CHRM3: variants seen among roughly 807,000 people sequenced by gnomAD.
CHRM3 encodes the protein muscarinic acetylcholine receptor M3.
Under a neutral mutation model 41.8 loss-of-function variants are expected in CHRM3, and 11 were observed. That is an observed-to-expected ratio of 0.26 (90% CI 0.17 to 0.44). CHRM3 has a LOEUF of 0.44. CHRM3 is among the 20% of genes least tolerant of loss of function. The pLI is 1.00. For missense variants in CHRM3, 571 were observed against 745.4 expected, an observed-to-expected ratio of 0.77 and a Z score of 2.72; for synonymous variants, 297 against 301.4, an observed-to-expected ratio of 0.99 and a Z score of 0.15.
At chr1:239,845,294 T>G (rs78189231) in intron 6 of CHRM3, among the ~76,000 whole-genome samples, 6,175 of 152,314 alleles carry the variant, frequency 0.041, 162 homozygotes, top group East Asian at 0.06. Context: ...CTCAACTCAC[T>G]GACATTGTTT....
At chr1:239,716,441 TG>T (rs901233280) in intron 5 of CHRM3, among the ~76,000 whole-genome samples, 5 of 152,002 alleles carry the variant, frequency 3.3e-5, no homozygotes, top group African/African-American at 1.2e-4. Context: ...AAGCAGGTGC[TG>T]GTTGATAATC....
In CHRM3 at chr1:239,908,097, G is replaced by A; in HGVS notation, c.646G>A (p.Val216Met). Residue 216 changes from valine to methionine, a missense_variant, in exon 7 of 7, where the codon GTG becomes ATG. Val to Met is a conservative substitution (Grantham distance 21, BLOSUM62 1). Around this residue, in one of 5 missense-constraint regions of CHRM3, gnomAD observed 153 missense variants for 296.3 expected, o/e 0.52. Transcript: ENST00000676153. This position sits in a 1 kb window ranked among gnomAD's most constrained non-coding sequence, Gnocchi z 7.2. Reference protein sequence around the residue: ...FWQYFVGKRTVPPGECFIQFL... With the variant: ...FWQYFVGKRTMPPGECFIQFL... ...GCAATACTTTGTTGGAAAGAGAACT[G>A]TGCCTCCGGGAGAGTGCTTCATTCA... 1.2e-6 allele frequency: 2 copies of A among 1,614,178 alleles called. No individual in the cohort carries two copies. Among genetic ancestry groups the A allele is most frequent in the Non-Finnish European group, 1.7e-6 (2 of 1,180,044 alleles).
Position 239,914,647 on chromosome 1 carries a change from T to C in CHRM3, c.*5423T>C, listed in dbSNP as rs1258258022. 2 of 167,066 alleles carry C rather than the reference T, an allele frequency of 1.2e-5. No individual in the cohort carries two copies. Among genetic ancestry groups the C allele is most frequent in the African/African-American group, 4.8e-5 (2 of 41,462 alleles). The allele number at this position is 167,066 out of a possible 1,614,324, so 10.3% of individuals were successfully genotyped here. A position where few individuals can be genotyped will look rare whatever the true frequency, so the allele number is the denominator to read the frequency against. ...TTATTGTATAAAACAGTAGAATTCATGGAAGGGATAATTCTTTTGGAACAG... is the reference window on the plus strand; with the variant it reads ...TTATTGTATAAAACAGTAGAATTCACGGAAGGGATAATTCTTTTGGAACAG... On this transcript the variant is annotated 3_prime_UTR_variant, in exon 7 of 7. Transcript: ENST00000676153.
At chr1:239,819,870 G>A (rs924136782) in intron 5 of CHRM3, among the ~76,000 whole-genome samples, 1 of 152,120 alleles carries the variant, frequency 6.6e-6, no homozygotes, top group African/African-American at 2.4e-5. Flanking sequence ...GATTGCCATG[G>A]AATTCCGTAC....
chr1:239,495,311 G>A (rs946355), intron 2 of CHRM3, among the ~76,000 whole-genome samples: 23,923 of 152,122 alleles, frequency 0.16, 2,385 homozygotes, highest in Non-Finnish European at 0.2. Context: ...CCACATTAAA[G>A]CACCAACTGT....
chr1:239,761,286 T>C (rs1266412911), intron 5 of CHRM3, among the ~76,000 whole-genome samples: 1 of 152,188 alleles, frequency 6.6e-6, no homozygotes, highest in Non-Finnish European at 1.5e-5. Flanking sequence ...CTTTACCTTC[T>C]TCAACATAGA....
intron 4 of CHRM3, among the ~76,000 whole-genome samples, chr1:239,639,812 T>C (rs560695927): frequency 0.013 from 1,903 of 145,748 alleles, 54 homozygotes; most frequent in African/African-American, 0.047. Context: ...TGAATAGGAG[T>C]GGTGAGAGAG....
chr1:239,692,856 G>A (rs1158106056), intron 5 of CHRM3, among the ~76,000 whole-genome samples: 1 of 152,122 alleles, frequency 6.6e-6, no homozygotes, highest in Non-Finnish European at 1.5e-5. Flanking sequence ...GAAAATTGTA[G>A]CATTTAATTG....
chr1:239,501,851 T>C (rs1668261480), intron 2 of CHRM3, among the ~76,000 whole-genome samples: 1 of 151,642 alleles, frequency 6.6e-6, no homozygotes, highest in African/African-American at 2.4e-5. Flanking sequence ...CAAGACTCTG[T>C]CTCAAAAAAA....
At chr1:239,868,961 AG>A (rs1192292918) in intron 6 of CHRM3, among the ~76,000 whole-genome samples, 1 of 152,180 alleles carries the variant, frequency 6.6e-6, no homozygotes, top group East Asian at 1.9e-4. Flanking sequence ...CTCAAGGTCA[AG>A]GTCCTTACAA....
intron 4 of CHRM3, among the ~76,000 whole-genome samples, chr1:239,640,062 T>G (rs1200466205): frequency 1.3e-5 from 2 of 152,146 alleles, no homozygotes; most frequent in African/African-American, 4.8e-5. Context: ...TATGCTGGAT[T>G]ACCTTGATTG....
chr1:239,443,402 A>G (rs908280360), intron 1 of CHRM3, among the ~76,000 whole-genome samples: 17 of 152,152 alleles, frequency 1.1e-4, no homozygotes, highest in African/African-American at 4.1e-4. Flanking sequence ...TGCAAAATTG[A>G]TATCAATTTC....
intron 6 of CHRM3, among the ~76,000 whole-genome samples, chr1:239,839,853 G>C (rs1328216211): frequency 6.6e-6 from 1 of 152,084 alleles, no homozygotes; most frequent in African/African-American, 2.4e-5. Flanking sequence ...CTGAGAGCTG[G>C]AGTAGAAGTG....
chr1:239,608,059 T>C (rs1057266740), intron 3 of CHRM3, among the ~76,000 whole-genome samples: 5 of 152,194 alleles, frequency 3.3e-5, no homozygotes, highest in Non-Finnish European at 7.3e-5. Context: ...GCAAAGTTGT[T>C]TTCATACTTC....
intron 6 of CHRM3, among the ~76,000 whole-genome samples, chr1:239,828,953 G>A (rs1040185529): frequency 6.6e-6 from 1 of 152,278 alleles, no homozygotes; most frequent in Middle Eastern, 3.4e-3. Context: ...GAGCCAAAGG[G>A]ACCTGCTGAT....
At chr1:239,773,993 G>A (rs982161143) in intron 5 of CHRM3, among the ~76,000 whole-genome samples, 4 of 152,178 alleles carry the variant, frequency 2.6e-5, no homozygotes, top group Admixed American at 2.6e-4. Context: ...CTGTTGACCA[G>A]CTATAGGTAC....
chr1:239,665,278 C>T (rs949474849), intron 4 of CHRM3, among the ~76,000 whole-genome samples: 14 of 151,904 alleles, frequency 9.2e-5, no homozygotes, highest in African/African-American at 2.7e-4. Flanking sequence ...CTGTAATCAG[C>T]GGCCATTTTT....
chr1:239,507,263 G>A (rs1668634921), intron 2 of CHRM3, among the ~76,000 whole-genome samples: 1 of 152,126 alleles, frequency 6.6e-6, no homozygotes, highest in Admixed American at 6.5e-5. Context: ...ATGTGTTGTG[G>A]GAGGGAGGGA....
chr1:239,746,047 A>G (rs1461012475), intron 5 of CHRM3, among the ~76,000 whole-genome samples: 1 of 152,206 alleles, frequency 6.6e-6, no homozygotes, highest in African/African-American at 2.4e-5. Context: ...GATTTAACAT[A>G]TGAAAAAGAA....
Sources: allele counts gnomAD v4.1 joint callset (sites outside exome capture counted in the v4.1 genomes callset), GRCh38; gene constraint gnomAD v4.1.1; regional missense constraint gnomAD v4.1.1; non-coding constraint Gnocchi (gnomAD v3.1); transcripts MANE v1.5; gene names NCBI Gene and HGNC (gene_info 2026-07-23, HGNC 2026-07-21).